Variants in CADPS2 observed in about 807,000 individuals in gnomAD.
CADPS2 encodes calcium dependent secretion activator 2.
In CADPS2, 93 loss-of-function variants were observed where a neutral mutation model predicts 172.5. The observed-to-expected ratio is 0.54, with a 90% CI of 0.46 to 0.64. The LOEUF is 0.64. Among genes scored for constraint, CADPS2 ranks in the 30% least tolerant of loss-of-function variants. The pLI is 0.00. For synonymous variants in CADPS2, 546 were observed against 555.2 expected (o/e 0.98, Z 0.23); for missense variants, 1,420 against 1,565.9 (o/e 0.91, Z 1.57).
intron 15 of CADPS2, among the ~76,000 whole-genome samples, chr7:122,449,192 T>C (rs979520679): frequency 3.3e-5 from 5 of 152,176 alleles, no homozygotes; most frequent in African/African-American, 4.8e-5. Flanking sequence ...GTTACTAATA[T>C]AGATATCTAA....
intron 2 of CADPS2, among the ~76,000 whole-genome samples, chr7:122,714,872 C>T (rs899201416): frequency 7.9e-5 from 12 of 152,114 alleles, no homozygotes; most frequent in African/African-American, 2.7e-4. Flanking sequence ...AAATTCACAA[C>T]ACTGCAGTGA....
chr7:122,464,455 T>C (rs1239202319), intron 14 of CADPS2, among the ~76,000 whole-genome samples: 2 of 152,096 alleles, frequency 1.3e-5, no homozygotes, highest in Non-Finnish European at 2.9e-5. Context: ...CTTCTAGGAG[T>C]TGGGGTTTAT....
intron 2 of CADPS2, among the ~76,000 whole-genome samples, chr7:122,678,783 G>GT (rs2082650606): frequency 6.6e-6 from 1 of 152,204 alleles, no homozygotes; most frequent in Admixed American, 6.5e-5. Context: ...CTACTGAACA[G>GT]TAAGGGGTTA....
At chr7:122,698,675 T>C in intron 2 of CADPS2, 1 of 1,613,980 alleles carries the variant, frequency 6.2e-7, no homozygotes, top group Middle Eastern at 1.7e-4. Context: ...GCATTTTGGA[T>C]TTTTCCCTCT....
At chr7:122,832,764 A>T (rs140547536) in intron 1 of CADPS2, among the ~76,000 whole-genome samples, 21 of 152,372 alleles carry the variant, frequency 1.4e-4, no homozygotes, top group African/African-American at 4.8e-4. Flanking sequence ...GAGAAATCAC[A>T]GTACAATATG....
intron 2 of CADPS2, among the ~76,000 whole-genome samples, chr7:122,732,299 T>C (rs1010238897): frequency 6.6e-6 from 1 of 151,498 alleles, no homozygotes; most frequent in South Asian, 2.1e-4. Context: ...AAACCGAATA[T>C]CTGAAGGTAC....
intron 8 of CADPS2, among the ~76,000 whole-genome samples, chr7:122,548,092 G>A (rs1186368811): frequency 6.6e-6 from 1 of 152,140 alleles, no homozygotes; most frequent in Non-Finnish European, 1.5e-5. Context: ...ATTTAGCTGG[G>A]TGTGGTGGCT....
chr7:122,661,716 C>T (rs2080554154), intron 3 of CADPS2, among the ~76,000 whole-genome samples: 1 of 152,266 alleles, frequency 6.6e-6, no homozygotes, highest in South Asian at 2.1e-4. Flanking sequence ...TTAGCCACTA[C>T]AGAGGAAAAA....
intron 15 of CADPS2, among the ~76,000 whole-genome samples, chr7:122,443,999 C>A (rs897972758): frequency 6.6e-6 from 1 of 152,046 alleles, no homozygotes; most frequent in Non-Finnish European, 1.5e-5. Context: ...AGATCACAGG[C>A]AACTACTCAT....
intron 3 of CADPS2, among the ~76,000 whole-genome samples, chr7:122,630,275 G>C (rs2076451230): frequency 6.6e-6 from 1 of 151,736 alleles, no homozygotes; most frequent in South Asian, 2.1e-4. Flanking sequence ...AATTGACCAG[G>C]TTACATTTTT....
chr7:122,571,050 A>T (rs946067769), intron 7 of CADPS2, among the ~76,000 whole-genome samples: 4 of 152,100 alleles, frequency 2.6e-5, no homozygotes, highest in East Asian at 1.9e-4. Context: ...AAAAAAATTT[A>T]AAAAAGAGAA....
chr7:122,874,013 T>A (rs1820538774), intron 1 of CADPS2, among the ~76,000 whole-genome samples: 1 of 152,174 alleles, frequency 6.6e-6, no homozygotes, highest in African/African-American at 2.4e-5. Context: ...ATGGGTTTTT[T>A]TTTTCTTGTA....
At chr7:122,852,465 G>A (rs1813929664) in intron 1 of CADPS2, among the ~76,000 whole-genome samples, 1 of 152,204 alleles carries the variant, frequency 6.6e-6, no homozygotes, top group South Asian at 2.1e-4. Context: ...AAAGTAGAAA[G>A]CTTACAGATG....
chr7:122,638,318 G>A (rs1055439673), intron 3 of CADPS2, among the ~76,000 whole-genome samples: 9 of 152,264 alleles, frequency 5.9e-5, no homozygotes, highest in Middle Eastern at 3.4e-3. Context: ...GAGGGAGGGC[G>A]TCCTCCCCAC....
chr7:122,388,865 A>T (rs2044019794), intron 22 of CADPS2, 127 bp from the exon 23 acceptor site: 1 of 847,438 alleles, frequency 1.2e-6, no homozygotes, highest in Admixed American at 3.0e-5. Flanking sequence ...GTCTCTAATG[A>T]TCCAATATTT....
intron 1 of CADPS2, among the ~76,000 whole-genome samples, chr7:122,756,637 G>A (rs2093171846): frequency 6.6e-6 from 1 of 152,140 alleles, no homozygotes; most frequent in Non-Finnish European, 1.5e-5. Context: ...GGTGGCACAC[G>A]CCTGTAATCC....
chr7:122,619,791 A>G (rs955649021), intron 5 of CADPS2, among the ~76,000 whole-genome samples: 2 of 152,244 alleles, frequency 1.3e-5, no homozygotes, highest in African/African-American at 4.8e-5. Context: ...TTCTATAGGT[A>G]ACATGCTATG....
intron 1 of CADPS2, among the ~76,000 whole-genome samples, chr7:122,770,540 T>G (rs1036154188): frequency 6.6e-6 from 1 of 152,122 alleles, no homozygotes; most frequent in Non-Finnish European, 1.5e-5. Flanking sequence ...AACTCAGTAC[T>G]TATGGGAGAA....
intron 25 of CADPS2, chr7:122,368,071 GT>G (rs2041215061): frequency 1.3e-5 from 2 of 152,278 alleles, no homozygotes; most frequent in East Asian, 1.9e-4. Context: ...ATCTCACAGG[GT>G]TTTGCCATGT....
Sources: allele counts gnomAD v4.1 joint callset (sites outside exome capture counted in the v4.1 genomes callset), GRCh38; gene constraint gnomAD v4.1.1; transcripts MANE v1.5; gene names NCBI Gene and HGNC (gene_info 2026-07-23, HGNC 2026-07-21).